LYPLAL1: variants seen among roughly 807,000 people sequenced by gnomAD.
LYPLAL1 encodes the protein lysophospholipase-like protein 1.
A neutral mutation model predicts 19.7 loss-of-function variants in LYPLAL1; 23 were observed. The observed-to-expected ratio is 1.17, with a 90% CI of 0.84 to 1.65. The LOEUF (loss-of-function observed/expected upper bound fraction) is 1.65, where lower values mean the gene tolerates loss of function less well. Among genes scored for constraint, LYPLAL1 ranks in the 40% most tolerant of loss-of-function variants. LYPLAL1 has a pLI of 0.00. For synonymous variants in LYPLAL1, 119 were observed against 96.3 expected (o/e 1.24, Z -1.38); for missense variants, 355 against 279.4 (o/e 1.27, Z -1.93).
At chr1:219,280,450 G>A in the LYPLAL1 span, among the ~76,000 whole-genome samples, 8 of 152,100 alleles carry the variant, frequency 5.3e-5, no homozygotes, top group Admixed American at 1.3e-4. Flanking sequence ...CCCCCATCAC[G>A]CTATATTTTT....
the LYPLAL1 span, among the ~76,000 whole-genome samples, chr1:219,229,820 C>G: frequency 6.6e-6 from 1 of 152,154 alleles, no homozygotes; most frequent in African/African-American, 2.4e-5. Flanking sequence ...GGAACTTTTC[C>G]CCTTTCACTT....
chr1:219,226,963 C>T, the LYPLAL1 span, among the ~76,000 whole-genome samples: 3 of 152,224 alleles, frequency 2.0e-5, no homozygotes, highest in African/African-American at 7.2e-5. Context: ...TTATAACAAC[C>T]AGGCAAGTAG....
the LYPLAL1 span, among the ~76,000 whole-genome samples, chr1:219,357,855 A>G: frequency 6.6e-6 from 1 of 152,348 alleles, no homozygotes; most frequent in African/African-American, 2.4e-5. Flanking sequence ...ATTCAGCAAT[A>G]AAATAAGTTA....
the LYPLAL1 span, among the ~76,000 whole-genome samples, chr1:219,282,508 CA>C: frequency 3.9e-3 from 535 of 138,268 alleles, 5 homozygotes; most frequent in African/African-American, 0.013. Context: ...CAATGAATGA[CA>C]AAAAAAAAAA....
intron 3 of LYPLAL1, among the ~76,000 whole-genome samples, chr1:219,197,035 TATC>T (rs1288618656): frequency 1.3e-5 from 2 of 152,160 alleles, no homozygotes. Context: ...GAAGAATCAA[TATC>T]ATGAAAATGG....
the LYPLAL1 span, among the ~76,000 whole-genome samples, chr1:219,303,026 A>AG: frequency 6.6e-6 from 1 of 152,230 alleles, no homozygotes; most frequent in Non-Finnish European, 1.5e-5. Context: ...CACCAAAAAT[A>AG]GGTCTATTCA....
the LYPLAL1 span, among the ~76,000 whole-genome samples, chr1:219,281,602 A>AACAC: frequency 6.7e-6 from 1 of 150,070 alleles, no homozygotes; most frequent in Non-Finnish European, 1.5e-5. Context: ...CACCCTCCCC[A>AACAC]ACACACACAC....
the LYPLAL1 span, among the ~76,000 whole-genome samples, chr1:219,434,731 A>C: frequency 6.6e-6 from 1 of 152,216 alleles, no homozygotes. Context: ...CCATGCGTTG[A>C]CTGACAAGTA....
At chr1:219,181,793 T>C (rs1656315025) in intron 2 of LYPLAL1, among the ~76,000 whole-genome samples, 1 of 152,168 alleles carries the variant, frequency 6.6e-6, no homozygotes, top group Non-Finnish European at 1.5e-5. Flanking sequence ...TCCTACCTTA[T>C]GCTGGACTAA....
At chr1:219,260,165 C>A in the LYPLAL1 span, among the ~76,000 whole-genome samples, 1 of 151,702 alleles carries the variant, frequency 6.6e-6, no homozygotes, top group Non-Finnish European at 1.5e-5. Context: ...AAGTAATAAA[C>A]CTCATTTATA....
At chr1:219,342,933 T>C in the LYPLAL1 span, among the ~76,000 whole-genome samples, 2 of 152,208 alleles carry the variant, frequency 1.3e-5, no homozygotes, top group South Asian at 2.1e-4. Flanking sequence ...TTTTTTCTTA[T>C]TGAAGTTTAA....
At chr1:219,382,108 ACAGT>A in the LYPLAL1 span, among the ~76,000 whole-genome samples, 8 of 152,350 alleles carry the variant, frequency 5.3e-5, no homozygotes, top group Admixed American at 3.9e-4. Context: ...AAAAAGAGAC[ACAGT>A]CAGGGAGGAA....
the LYPLAL1 span, among the ~76,000 whole-genome samples, chr1:219,430,063 G>A: frequency 6.6e-6 from 1 of 152,168 alleles, no homozygotes; most frequent in Admixed American, 6.5e-5. Flanking sequence ...GGAGGCCCAG[G>A]CAGGCAGATC....
chr1:219,183,467 C>T (rs1656459630), intron 2 of LYPLAL1, among the ~76,000 whole-genome samples: 1 of 151,976 alleles, frequency 6.6e-6, no homozygotes, highest in African/African-American at 2.4e-5. Context: ...ATTGTATGTG[C>T]ATAGTTAATT....
the LYPLAL1 span, among the ~76,000 whole-genome samples, chr1:219,321,286 T>A: frequency 2.0e-5 from 3 of 152,114 alleles, no homozygotes; most frequent in Non-Finnish European, 4.4e-5. Flanking sequence ...TTTGATGGGG[T>A]TGTTTGATTT....
intron 1 of LYPLAL1, among the ~76,000 whole-genome samples, chr1:219,178,552 T>C (rs939875441): frequency 6.6e-6 from 1 of 152,216 alleles, no homozygotes; most frequent in Admixed American, 6.5e-5. Context: ...TGTAAATACA[T>C]ATACATTAAT....
chr1:219,332,586 T>C, the LYPLAL1 span, among the ~76,000 whole-genome samples: 2 of 152,134 alleles, frequency 1.3e-5, no homozygotes, highest in Non-Finnish European at 2.9e-5. Flanking sequence ...AGAATTCTTA[T>C]TTGGCCTTTA....
At chr1:219,186,712 T>C (rs1040923033) in intron 2 of LYPLAL1, among the ~76,000 whole-genome samples, 1 of 151,770 alleles carries the variant, frequency 6.6e-6, no homozygotes, top group Non-Finnish European at 1.5e-5. Context: ...TATGTCTTTT[T>C]CCATTCTTTT....
At chr1:219,291,962 A>G in the LYPLAL1 span, among the ~76,000 whole-genome samples, 22 of 152,178 alleles carry the variant, frequency 1.4e-4, no homozygotes, top group African/African-American at 5.3e-4. Flanking sequence ...GTTTAATGCA[A>G]TAATTGAAAT....
Sources: gnomAD v4.1 joint callset for allele counts (sites outside exome capture counted in the v4.1 genomes callset) on GRCh38, gnomAD v4.1.1 for gene constraint, MANE v1.5 for transcripts, NCBI Gene and HGNC (gene_info 2026-07-23, HGNC 2026-07-21) for gene names.